The following LAMA2 variants were observed in gnomAD, a reference collection of about 807,000 sequenced individuals.
LAMA2 encodes laminin subunit alpha 2, also known as laminin subunit alpha-2.
Under a neutral mutation model 364.8 loss-of-function variants are expected in LAMA2, and 269 were observed. That is an observed-to-expected ratio of 0.74 (90% CI 0.67 to 0.82). The LOEUF is 0.82. Among genes scored for constraint, LAMA2 ranks in the 40% least tolerant of loss-of-function variants. The pLI, the probability that LAMA2 is intolerant of heterozygous loss-of-function variation, is 0.00. For missense variants in LAMA2, 3,807 were observed against 3,873.2 expected (o/e 0.98, Z 0.45); for synonymous variants, 1,379 against 1,370.6 (o/e 1.01, Z -0.14).
chr6:128,963,463 A>T (rs775723415), intron 1 of LAMA2, among the ~76,000 whole-genome samples: 19 of 152,084 alleles, frequency 1.2e-4, no homozygotes, highest in Non-Finnish European at 4.4e-5. Context: ...CATAACTGAA[A>T]TCCTTCACAT....
intron 58 of LAMA2, among the ~76,000 whole-genome samples, chr6:129,499,740 C>G (rs1400587143): frequency 6.6e-6 from 1 of 152,066 alleles, no homozygotes; most frequent in Non-Finnish European, 1.5e-5. Flanking sequence ...CTTTTTGAGA[C>G]AGGTTCTTGC....
intron 22 of LAMA2, among the ~76,000 whole-genome samples, chr6:129,303,567 T>G (rs1483857351): frequency 1.3e-5 from 2 of 152,204 alleles, no homozygotes; most frequent in Non-Finnish European, 2.9e-5. Context: ...TGCTTTTTAT[T>G]GTTTTGAGGA....
chr6:128,985,762 G>A (rs1783194300), intron 1 of LAMA2, among the ~76,000 whole-genome samples: 2 of 151,504 alleles, frequency 1.3e-5, no homozygotes, highest in Admixed American at 1.3e-4. Flanking sequence ...CATATAATCT[G>A]TAATCTGCAA....
chr6:129,454,258 ACT>A lies in LAMA2; in HGVS notation c.6679_6680del (p.Ser2227IlefsTer65). 1 of 1,611,204 alleles carries A rather than the reference ACT, an allele frequency of 6.2e-7. No homozygotes were observed. The highest frequency in any genetic ancestry group is 2.2e-5 in the East Asian group (1 of 44,782). On this transcript the variant is annotated frameshift_variant, in exon 47 of 65. Coordinates refer to ENST00000421865, the MANE Select transcript of LAMA2 (RefSeq NM_000426.4). LOFTEE classifies it high-confidence loss of function. ...GAGTACCCAGATTTGACTATTGATG[ACT>A]CATATTGGTACCGTATCGTAGCATC...
chr6:129,257,357 A>T (rs922373442), intron 14 of LAMA2, among the ~76,000 whole-genome samples: 8 of 152,100 alleles, frequency 5.3e-5, no homozygotes, highest in African/African-American at 1.9e-4. Flanking sequence ...AAGATGTTTG[A>T]GTGTTGAAGT....
intron 3 of LAMA2, among the ~76,000 whole-genome samples, chr6:129,090,028 G>A (rs972106167): frequency 6.6e-6 from 1 of 152,152 alleles, no homozygotes; most frequent in Non-Finnish European, 1.5e-5. Flanking sequence ...TGCATTAAAT[G>A]TTTGCTCCGT....
intron 1 of LAMA2, among the ~76,000 whole-genome samples, chr6:128,955,923 A>G (rs1781116526): frequency 6.6e-6 from 1 of 152,134 alleles, no homozygotes; most frequent in African/African-American, 2.4e-5. Flanking sequence ...AGACTATAGT[A>G]TGCAAAAACA....
intron 4 of LAMA2, among the ~76,000 whole-genome samples, chr6:129,129,690 C>T (rs1022192113): frequency 6.6e-6 from 1 of 151,894 alleles, no homozygotes; most frequent in African/African-American, 2.4e-5. Context: ...TTTGGGAGGC[C>T]GAGGCGGGCG....
At chr6:129,292,444 C>G (rs2114434886) in intron 20 of LAMA2, among the ~76,000 whole-genome samples, 1 of 152,344 alleles carries the variant, frequency 6.6e-6, no homozygotes, top group South Asian at 2.1e-4. Context: ...AGCAGTCTAC[C>G]TAATGGAAGT....
chr6:128,950,090 CG>C (rs556657889), intron 1 of LAMA2, among the ~76,000 whole-genome samples: 90 of 152,066 alleles, frequency 5.9e-4, no homozygotes, highest in African/African-American at 2.0e-3. Context: ...ACAATATGCC[CG>C]GGACTGTACA....
intron 15 of LAMA2, among the ~76,000 whole-genome samples, chr6:129,262,848 C>T (rs1362988423): frequency 6.6e-6 from 1 of 152,120 alleles, no homozygotes; most frequent in African/African-American, 2.4e-5. Flanking sequence ...TTAATTCCAG[C>T]TTGCTGAGAA....
Position 129,224,183 on chromosome 6 carries a change from C to G in LAMA2, c.1783-25929C>G, listed in dbSNP as rs1203564514. Among the ~76,000 whole-genome samples the G allele has an allele frequency of 7.9e-5, 12 of 152,156 alleles. No homozygotes were observed. The South Asian group carries it at 1.2e-3, about 16-fold the overall frequency. ...GTGTATAAGAATGCTTGTGATTTTT[C>G]TACATTGATTTTGTATCCTGAGACT... is the stretch of plus-strand genomic sequence containing the variant. On this transcript the variant is annotated intron_variant, in intron 12 of 64. Coordinates refer to ENST00000421865, the MANE Select transcript of LAMA2 (RefSeq NM_000426.4).
At chr6:129,165,698 A>T in intron 9 of LAMA2, 23 bp downstream of exon 9, 1 of 1,421,844 alleles carries the variant, frequency 7.0e-7, no homozygotes, top group Non-Finnish European at 9.9e-7. Context: ...GCAGAATGTC[A>T]CTGCTCTGAT....
At chr6:129,244,617 C>T (rs1785619551) in intron 12 of LAMA2, among the ~76,000 whole-genome samples, 1 of 152,028 alleles carries the variant, frequency 6.6e-6, no homozygotes, top group Non-Finnish European at 1.5e-5. Context: ...CATCAGAGAA[C>T]CAAATGTTCC....
chr6:129,139,850 T>C (rs1778016244), intron 4 of LAMA2, among the ~76,000 whole-genome samples: 1 of 152,104 alleles, frequency 6.6e-6, no homozygotes. Flanking sequence ...CAGCTTACTT[T>C]CAATTTGTTT....
chr6:129,023,381 C>T (rs1785576822), intron 1 of LAMA2, among the ~76,000 whole-genome samples: 1 of 152,148 alleles, frequency 6.6e-6, no homozygotes. Context: ...TCCTTACATA[C>T]CAATGTTCTG....
At chr6:129,335,058 G>A (rs908044915) in intron 29 of LAMA2, among the ~76,000 whole-genome samples, 1 of 152,084 alleles carries the variant, frequency 6.6e-6, no homozygotes, top group Non-Finnish European at 1.5e-5. Context: ...AAAATATAAA[G>A]TGCATAGGAA....
At chr6:129,143,692 A>G (rs1452100818) in intron 4 of LAMA2, among the ~76,000 whole-genome samples, 1 of 152,050 alleles carries the variant, frequency 6.6e-6, no homozygotes, top group Non-Finnish European at 1.5e-5. Flanking sequence ...TGCCTATGAT[A>G]TAAACAAACA....
chr6:129,373,423 C>A (rs1056570110), intron 34 of LAMA2, among the ~76,000 whole-genome samples: 1 of 152,160 alleles, frequency 6.6e-6, no homozygotes, highest in Non-Finnish European at 1.5e-5. Context: ...TTGTTAACAT[C>A]TTACATTAGC....
Sources: gnomAD v4.1 joint callset for allele counts (sites outside exome capture counted in the v4.1 genomes callset) on GRCh38, gnomAD v4.1.1 for gene constraint, MANE v1.5 for transcripts, NCBI Gene and HGNC (gene_info 2026-07-23, HGNC 2026-07-21) for gene names.